The following NAA16 variants were observed in gnomAD, a reference collection of about 807,000 sequenced individuals.
NAA16 encodes the protein N-alpha-acetyltransferase 16, NatA auxiliary subunit, also known as NARG1-like protein.
NAA16 carries 97 observed loss-of-function variants against 110.3 expected under a neutral mutation model. That is an observed-to-expected ratio of 0.88 (90% CI 0.75 to 1.04). NAA16 has a LOEUF of 1.04. Ranked by LOEUF, NAA16 falls within the 50% of genes least tolerant of loss-of-function variation. The pLI is 0.00. For missense variants in NAA16, 1,017 were observed against 1,005.1 expected, an observed-to-expected ratio of 1.01 and a Z score of -0.16; for synonymous variants, 372 against 330.6, an observed-to-expected ratio of 1.13 and a Z score of -1.36.
In NAA16 at chr13:41,320,711, G is replaced by C. The variant is rs748494903; in HGVS notation, c.289G>C (p.Asp97His). Reference protein sequence around the residue: ...GLLQRSDKKYDEAIKCYRNAL... With the variant: ...GLLQRSDKKYHEAIKCYRNAL... ...CTTGCAGCGTTCTGATAAAAAATAT[G>C]ATGAAGCTATAAAATGTTACCGAAA... The change falls in exon 4 of 20, where the codon GAT becomes CAT. Residue 97 changes from aspartate to histidine, a missense_variant. Asp to His is a moderately conservative substitution (Grantham distance 81, BLOSUM62 -1). Coordinates refer to ENST00000379406, the MANE Select transcript of NAA16 (RefSeq NM_024561.5). The C allele has an allele frequency of 6.2e-7, 1 of 1,612,324 alleles. No homozygotes were observed. The highest frequency in any genetic ancestry group is 2.2e-5 in the East Asian group (1 of 44,836).
intron 13 of NAA16, among the ~76,000 whole-genome samples, chr13:41,366,583 A>T (rs1169511721): frequency 6.6e-6 from 1 of 152,134 alleles, no homozygotes; most frequent in African/African-American, 2.4e-5. Flanking sequence ...ATTAGTTCTT[A>T]ACCTCTTTTG....
In NAA16 at chr13:41,358,485, A is replaced by G; in HGVS notation, c.1257+12A>G. 6.2e-7 allele frequency: 1 copy of G among 1,612,596 alleles called. No individual in the cohort carries two copies. The highest frequency in any genetic ancestry group is 1.7e-4 in the Middle Eastern group (1 of 6,034). On this transcript the variant is annotated intron_variant, in intron 11 of 19. Transcript: ENST00000379406. ...CAAAAATTTACAAGGTAAAATCTGA[A>G]TCCTGTTTTTTGAGTAGTTGAAGAA...
At chr13:41,313,755 G>A (rs9590583) in intron 1 of NAA16, among the ~76,000 whole-genome samples, 12,053 of 152,144 alleles carry the variant, frequency 0.079, 567 homozygotes, top group East Asian at 0.2. Flanking sequence ...ACCTAAAGAT[G>A]GTAAATGACC....
At chr13:41,331,126 T>C (rs1279056296) in intron 7 of NAA16, 148 bp from the exon 8 acceptor site, 2 of 523,502 alleles carry the variant, frequency 3.8e-6, no homozygotes, top group Non-Finnish European at 6.9e-6. Flanking sequence ...CACCACAGAG[T>C]TTTAAATGTC....
Position 41,367,594 on chromosome 13 carries a change from C to T in NAA16, c.1695C>T (p.Tyr565=), listed in dbSNP as rs2043232198. The change falls in exon 14 of 20, where the codon TAC becomes TAT. Residue 565 remains tyrosine, a synonymous_variant. Coordinates refer to ENST00000379406, the MANE Select transcript of NAA16 (RefSeq NM_024561.5). ...FKAARSAIEI[Y]LKLYDNPLTN... ...CTGCTAGATCAGCGATTGAAATATACTTGAAATTGTATGATAATCCCTTAA... is the reference window on the plus strand; with the variant it reads ...CTGCTAGATCAGCGATTGAAATATATTTGAAATTGTATGATAATCCCTTAA... 6.2e-7 allele frequency: 1 copy of T among 1,612,906 alleles called. No homozygotes were observed. The highest frequency in any genetic ancestry group is 1.1e-5 in the South Asian group (1 of 91,052).
rs1430610748 is a variant in NAA16, at chr13:41,358,338, C to T, written c.1122C>T (p.Leu374=). The T allele has an allele frequency of 1.2e-6, 2 of 1,613,858 alleles. No homozygotes were observed. The highest frequency in any genetic ancestry group is 1.7e-6 in the Non-Finnish European group (2 of 1,179,890). The change falls in exon 11 of 20, where the codon CTC becomes CTT. Residue 374 remains leucine (L), a synonymous_variant. Coordinates refer to ENST00000379406, the MANE Select transcript of NAA16 (RefSeq NM_024561.5). ...NGEKEPPTTL[L]WVQYFLAQHF... ...AGAAGGAACCCCCGACAACACTACT[C>T]TGGGTTCAGTATTTCCTGGCACAGC...
At chr13:41,336,168 A>T (rs1180329660) in intron 8 of NAA16, among the ~76,000 whole-genome samples, 11 of 147,232 alleles carry the variant, frequency 7.5e-5, no homozygotes, top group African/African-American at 2.7e-4. Context: ...TATTTAAAAA[A>T]AAATTTTTTT....
intron 2 of NAA16, among the ~76,000 whole-genome samples, chr13:41,317,616 CCAA>C (rs1253750729): frequency 1.1e-4 from 16 of 152,098 alleles, no homozygotes; most frequent in African/African-American, 3.4e-4. Context: ...GCTCACTTTT[CCAA>C]CAACATTTAA....
chr13:41,317,028 A>G, intron 2 of NAA16, 98 bp downstream of exon 2: 1 of 833,056 alleles, frequency 1.2e-6, no homozygotes, highest in South Asian at 1.4e-5. Flanking sequence ...AGGGCCTTGC[A>G]GTTCTCTATT....
In NAA16 at chr13:41,322,924, C is replaced by T. The variant is rs368937960; in HGVS notation, c.403-132C>T. On this transcript the variant is annotated intron_variant, in intron 4 of 19. Coordinates refer to ENST00000379406, the MANE Select transcript of NAA16 (RefSeq NM_024561.5). The stretch of plus-strand genomic sequence containing the variant: ...TTTTAGGTAGGAAACATAAAAAGTA[C>T]TTCTATTTTATTCTGAAACTGATCT... 191 of 849,476 alleles carry T rather than the reference C, an allele frequency of 2.2e-4. No individual in the cohort carries two copies. The African/African-American group carries it at 2.8e-3, about 12-fold the overall frequency. The allele number at this position is 849,476 out of a possible 1,614,324, so 52.6% of individuals were successfully genotyped here.
intron 12 of NAA16, among the ~76,000 whole-genome samples, chr13:41,360,319 C>T (rs1162304219): frequency 2.0e-5 from 3 of 152,112 alleles, no homozygotes; most frequent in African/African-American, 4.8e-5. Flanking sequence ...GGTTTGGGAT[C>T]GCTCAACCAC....
intron 10 of NAA16, among the ~76,000 whole-genome samples, chr13:41,356,455 ATATC>A (rs1450687379): frequency 9.1e-5 from 1 of 10,996 alleles, no homozygotes; most frequent in Admixed American, 9.9e-4. Flanking sequence ...TCATAACATA[ATATC>A]TGATACCCAA....
At chr13:41,351,781 G>A (rs75435096) in intron 9 of NAA16, among the ~76,000 whole-genome samples, 7 of 147,932 alleles carry the variant, frequency 4.7e-5, no homozygotes, top group Admixed American at 3.4e-4. Flanking sequence ...AAAATGTGGG[G>A]CCATAAAATT....
At chr13:41,362,525 A>G in intron 13 of NAA16, 1 of 386,392 alleles carries the variant, frequency 2.6e-6, no homozygotes. Flanking sequence ...AAACATCAGG[A>G]TCTGGTCCGC....
At chr13:41,324,245 G>A (rs2042025306) in intron 5 of NAA16, among the ~76,000 whole-genome samples, 1 of 151,376 alleles carries the variant, frequency 6.6e-6, no homozygotes, top group African/African-American at 2.4e-5. Flanking sequence ...CAAGAATCAA[G>A]TTCTGACCAA....
At chr13:41,354,455 T>C (rs1206674556) in intron 9 of NAA16, 1 of 152,212 alleles carries the variant, frequency 6.6e-6, no homozygotes, top group Non-Finnish European at 1.5e-5. Flanking sequence ...TTTTGGTTAG[T>C]TTGTAAAGAG....
chr13:41,320,318 G>A (rs1362262724), intron 3 of NAA16, among the ~76,000 whole-genome samples: 1 of 152,170 alleles, frequency 6.6e-6, no homozygotes, highest in East Asian at 1.9e-4. Context: ...TGCTGGGGTA[G>A]GAAAGTGATG....
chr13:41,351,518 A>G (rs576843481), intron 9 of NAA16, among the ~76,000 whole-genome samples: 2 of 152,290 alleles, frequency 1.3e-5, no homozygotes, highest in African/African-American at 4.8e-5. Flanking sequence ...TTCATTGCGA[A>G]AAAAATGTGT....
chr13:41,356,720 C>T (rs1424819681), intron 10 of NAA16, among the ~76,000 whole-genome samples: 1 of 152,100 alleles, frequency 6.6e-6, no homozygotes, highest in African/African-American at 2.4e-5. Context: ...AATAACTCTC[C>T]CCTCCCTTTC....
Sources: allele counts gnomAD v4.1 joint callset (sites outside exome capture counted in the v4.1 genomes callset), GRCh38; gene constraint gnomAD v4.1.1; transcripts MANE v1.5; gene names NCBI Gene and HGNC (gene_info 2026-07-23, HGNC 2026-07-21).